The following PLB1 variants were observed in gnomAD, a reference collection of about 807,000 sequenced individuals.
PLB1 encodes phospholipase B1, membrane-associated.
Under a neutral mutation model 227.4 loss-of-function variants are expected in PLB1, and 242 were observed. That is an observed-to-expected ratio of 1.06 (90% confidence interval 0.96 to 1.18). The LOEUF is 1.18. PLB1 is among the 50% of genes most tolerant of loss of function. The pLI is 0.00. For synonymous variants in PLB1, 757 were observed against 682.2 expected (o/e 1.11, Z -1.71); for missense variants, 1,858 against 1,816.3 (o/e 1.02, Z -0.42).
At chr2:28,593,243 G>C (rs988208241) in intron 32 of PLB1, among the ~76,000 whole-genome samples, 1 of 152,206 alleles carries the variant, frequency 6.6e-6, no homozygotes, top group Non-Finnish European at 1.5e-5. Flanking sequence ...ATGCCCCAGA[G>C]GGAAAGAGGA....
chr2:28,576,021 G>A (rs1678868095), intron 21 of PLB1, among the ~76,000 whole-genome samples: 1 of 152,182 alleles, frequency 6.6e-6, no homozygotes, highest in Admixed American at 6.5e-5. Context: ...TTAGGTCAGG[G>A]AGGCATCCAA....
rs553577456 is a variant in PLB1, at chr2:28,623,517, T to C, written c.3528-1540T>C. Among the ~76,000 whole-genome samples the C allele has an allele frequency of 2.6e-5, 4 of 152,294 alleles. No homozygotes were observed. The East Asian group carries it at 7.7e-4, about 29-fold the overall frequency. On this transcript the variant is annotated intron_variant, in intron 49 of 57. Coordinates refer to ENST00000327757, the MANE Select transcript of PLB1 (RefSeq NM_153021.5). ...AAAGTCTTTCTTTATAGCTTTCTGG[T>C]ATACTCATCAATAGCAATAATGTAT... is the stretch of plus-strand genomic sequence containing the variant.
At chr2:28,554,253 A>G (rs374853988) in intron 17 of PLB1, among the ~76,000 whole-genome samples, 77 of 152,268 alleles carry the variant, frequency 5.1e-4, no homozygotes, top group Middle Eastern at 3.4e-3. Flanking sequence ...TAGATAGATT[A>G]GGTATAGATA....
At chr2:28,597,460 C>A (rs1683152777) in intron 33 of PLB1, among the ~76,000 whole-genome samples, 1 of 151,992 alleles carries the variant, frequency 6.6e-6, no homozygotes, top group Admixed American at 6.6e-5. Flanking sequence ...TAGGGTGTAC[C>A]TTGAAGTTAG....
intron 1 of PLB1, 133 bp from the exon 2 acceptor site, chr2:28,516,674 TG>T: frequency 1.4e-6 from 1 of 735,350 alleles, no homozygotes; most frequent in Non-Finnish European, 2.3e-6. Context: ...AAATAGAATC[TG>T]GGCTTCCCTA....
chr2:28,608,458 A>G (rs995984143), intron 43 of PLB1, among the ~76,000 whole-genome samples: 2 of 152,350 alleles, frequency 1.3e-5, no homozygotes, highest in South Asian at 2.1e-4. Flanking sequence ...GGCTGTGAGC[A>G]TGAGCTTTCT....
chr2:28,554,152 C>G (rs1463255392), intron 17 of PLB1, among the ~76,000 whole-genome samples: 1 of 152,130 alleles, frequency 6.6e-6, no homozygotes, highest in Non-Finnish European at 1.5e-5. Context: ...CCAACTCATT[C>G]CTATTAGTTA....
At position 28,569,258 on chromosome 2, in the gene PLB1, A is replaced by G. The variant is rs573136713; in HGVS notation, c.1324+2419A>G. Reference sequence around the variant, plus strand: ...GAGATACTAGCCATTCTCAGCACCTACATGTCTTTGAACAAATCTCCAAGC... The same window carrying G: ...GAGATACTAGCCATTCTCAGCACCTGCATGTCTTTGAACAAATCTCCAAGC... On this transcript the variant is annotated intron_variant, in intron 20 of 57. Coordinates refer to ENST00000327757, the MANE Select transcript of PLB1 (RefSeq NM_153021.5). Among the ~76,000 whole-genome samples the G allele has an allele frequency of 9.2e-5, 14 of 152,324 alleles. No individual in the cohort carries two copies. In the East Asian group the frequency reaches 2.7e-3, roughly 29 times the overall value.
intron 23 of PLB1, among the ~76,000 whole-genome samples, chr2:28,581,834 AC>A (rs1212202546): frequency 2.6e-5 from 4 of 151,768 alleles, no homozygotes; most frequent in African/African-American, 9.7e-5. Context: ...GGTGGCACGC[AC>A]CCATGGTCCC....
chr2:28,598,794 G>A (rs1683395855), intron 35 of PLB1, 34 bp downstream of exon 35: 2 of 1,560,478 alleles, frequency 1.3e-6, no homozygotes, highest in African/African-American at 1.4e-5. Context: ...AGCCTGCAGA[G>A]CAGGGAGTGG....
chr2:28,511,140 C>G (rs1011277649), intron 1 of PLB1, among the ~76,000 whole-genome samples: 12 of 152,094 alleles, frequency 7.9e-5, no homozygotes, highest in Non-Finnish European at 1.8e-4. Flanking sequence ...AGTTTAACTC[C>G]ATTTATTCCA....
At chr2:28,529,151 C>T (rs1256464165) in intron 6 of PLB1, among the ~76,000 whole-genome samples, 166 bp from the exon 7 acceptor site, 1 of 151,922 alleles carries the variant, frequency 6.6e-6, no homozygotes, top group Admixed American at 6.6e-5. Flanking sequence ...TGCTCTGTTG[C>T]CCTGCCTGGT....
rs200441765 is a variant in PLB1 at position 28,529,344 on chromosome 2, G to C, written c.353G>C (p.Ser118Thr). ...CTTTCAGACATCATCAGATATTTCA[G>C]TCCTTCTGTTCCAATGCCTGTGTGC... is the stretch of plus-strand genomic sequence containing the variant. ...TVLSDIIRYF[S>T]PSVPMPVCHT... Residue 118 changes from serine (S) to threonine (T), a missense_variant, in exon 7 of 58, where the codon AGT becomes ACT. Coordinates refer to ENST00000327757, the MANE Select transcript of PLB1 (RefSeq NM_153021.5). 2.5e-6 allele frequency: 4 copies of C among 1,611,380 alleles called. No homozygotes were observed. In the African/African-American group the frequency reaches 4.0e-5, roughly 16 times the overall value.
chr2:28,521,814 C>T (rs1425621406), intron 4 of PLB1, among the ~76,000 whole-genome samples: 1 of 152,022 alleles, frequency 6.6e-6, no homozygotes, highest in Non-Finnish European at 1.5e-5. Context: ...CCTTATCAGT[C>T]TCCACCCTGC....
intron 43 of PLB1, 54 bp downstream of exon 43, chr2:28,606,621 G>A (rs747624926): frequency 6.0e-5 from 92 of 1,527,112 alleles, no homozygotes; most frequent in Middle Eastern, 1.8e-4. Flanking sequence ...CACACAGCTC[G>A]CCCTACCCAC....
At position 28,518,374 on chromosome 2, in the gene PLB1, G is replaced by A. The variant is rs1265794824; in HGVS notation, c.118-92G>A. 4.2e-6 allele frequency: 4 copies of A among 948,010 alleles called. No individual in the cohort carries two copies. The African/African-American group carries it at 4.9e-5, about 12-fold the overall frequency. The allele number at this position is 948,010 out of a possible 1,614,324, so 58.7% of individuals were successfully genotyped here. The stretch of plus-strand genomic sequence containing the variant: ...TCTAGATTTTGAGCCTAGATAGAAT[G>A]AGTACATGATCATTTCTACACCAAG... On this transcript the variant is annotated intron_variant, in intron 2 of 57. Coordinates refer to ENST00000327757, the MANE Select transcript of PLB1 (RefSeq NM_153021.5).
chr2:28,536,691 T>C (rs1025747378), intron 9 of PLB1, among the ~76,000 whole-genome samples: 4 of 152,202 alleles, frequency 2.6e-5, no homozygotes, highest in Middle Eastern at 3.2e-3. Context: ...AATGTACAAG[T>C]TCATTTGAAG....
chr2:28,583,671 C>G (rs1454398498), intron 25 of PLB1, among the ~76,000 whole-genome samples: 5 of 152,158 alleles, frequency 3.3e-5, no homozygotes, highest in Non-Finnish European at 7.3e-5. Flanking sequence ...GCGGCTCAAG[C>G]ATGCCCACAA....
At chr2:28,520,842 G>A (rs576099237) in intron 4 of PLB1, among the ~76,000 whole-genome samples, 30 of 152,272 alleles carry the variant, frequency 2.0e-4, no homozygotes, top group East Asian at 7.7e-4. Context: ...GGGCATGGTC[G>A]TGGGCACCTG....
Sources: gnomAD v4.1 joint callset for allele counts (sites outside exome capture counted in the v4.1 genomes callset) on GRCh38, gnomAD v4.1.1 for gene constraint, MANE v1.5 for transcripts, NCBI Gene and HGNC (gene_info 2026-07-23, HGNC 2026-07-21) for gene names.